Variants in PON3 observed in about 807,000 individuals in gnomAD.
PON3 encodes serum paraoxonase/lactonase 3.
In PON3, 37 loss-of-function variants were observed where a neutral mutation model predicts 36.3. The observed-to-expected ratio is 1.02, with a 90% CI of 0.78 to 1.34. The LOEUF is 1.34. Among genes scored for constraint, PON3 ranks in the 40% most tolerant of loss-of-function variants. The pLI, the probability that PON3 is intolerant of heterozygous loss-of-function variation, is 0.00. For missense variants in PON3, 415 were observed against 426.5 expected (o/e 0.97, Z 0.24); for synonymous variants, 155 against 154.8 (o/e 1.00, Z -0.01).
At chr7:95,363,724 T>A in intron 6 of PON3, 139 bp downstream of exon 6, 1 of 850,816 alleles carries the variant, frequency 1.2e-6, no homozygotes, top group Non-Finnish European at 2.0e-6. Flanking sequence ...ACAGATTTAG[T>A]GTGAACCCTG....
rs1809431277 is a variant in PON3, at chr7:95,396,272, C to T, written c.74+5G>A. ...TCGAAGACGCCCTGTCAAGATGCCA[C>T]TCACCTAAACGCCAGGAACATCTCC... On this transcript the variant is annotated splice_donor_5th_base_variant and intron_variant, in intron 1 of 8. Transcript: ENST00000265627. 2 of 1,613,900 alleles carry T rather than the reference C, an allele frequency of 1.2e-6. No individual in the cohort carries two copies. The highest frequency in any genetic ancestry group is 1.7e-6 in the Non-Finnish European group (2 of 1,179,962).
At chr7:95,395,915 C>A (rs989983400) in intron 1 of PON3, 1 of 347,568 alleles carries the variant, frequency 2.9e-6, no homozygotes, top group Non-Finnish European at 5.6e-6. Flanking sequence ...GATCCTCTCT[C>A]CCAAGTCCGG....
chr7:95,363,996 A>G lies in PON3; in HGVS notation c.562T>C (p.Ser188Pro). The G allele has an allele frequency of 6.2e-7, 1 of 1,613,880 alleles. No individual in the cohort carries two copies. The highest frequency in any genetic ancestry group is 8.5e-7 in the Non-Finnish European group (1 of 1,179,792). ...ATCATCTCAAAAAATGACAGGAGGG[A>G]GTTGGTAAAATAGTGGTCTCTGGTG... is the stretch of plus-strand genomic sequence containing the variant. The part of the protein sequence containing the change: ...YATRDHYFTN[S>P]LLSFFEMILD... Residue 188 changes from serine to proline, a missense_variant, in exon 6 of 9, where the codon TCC becomes CCC. Physicochemically the swap from Ser to Pro is moderately conservative, Grantham distance 74. Transcript: ENST00000265627.
intron 5 of PON3, among the ~76,000 whole-genome samples, chr7:95,366,938 A>G (rs1562770209): frequency 6.6e-6 from 1 of 152,266 alleles, no homozygotes. Flanking sequence ...TCTACTTTAA[A>G]GCTGTAATTA....
intron 3 of PON3, 137 bp from the exon 4 acceptor site, chr7:95,372,475 G>T: frequency 1.1e-6 from 1 of 952,278 alleles, no homozygotes; most frequent in Non-Finnish European, 1.6e-6. Flanking sequence ...TTTTCACTCT[G>T]TCAGCTGTTT....
At chr7:95,364,158 T>C in intron 5 of PON3, 95 bp from the exon 6 acceptor site, 2 of 976,100 alleles carry the variant, frequency 2.0e-6, no homozygotes, top group South Asian at 2.6e-5. Flanking sequence ...GACTAATACG[T>C]TCATCAATTT....
intron 3 of PON3, among the ~76,000 whole-genome samples, chr7:95,374,222 T>G (rs906344505): frequency 6.6e-6 from 1 of 152,206 alleles, no homozygotes; most frequent in African/African-American, 2.4e-5. Flanking sequence ...CTTTACTTAC[T>G]ACTTCTCTGA....
chr7:95,395,302 G>A (rs1484229026), intron 1 of PON3, among the ~76,000 whole-genome samples: 2 of 152,036 alleles, frequency 1.3e-5, no homozygotes, highest in Admixed American at 6.6e-5. Flanking sequence ...GAGTGAAAAG[G>A]AATGTTTCCA....
chr7:95,380,180 T>C lies in PON3; in HGVS notation c.202-7842A>G, dbSNP rs532799902. ...GGAAAACTAACAAACAGAAAGGACA[T>C]CCACACCAAAACCCCATCTGTACGT... On this transcript the variant is annotated intron_variant, in intron 3 of 8. Coordinates refer to ENST00000265627, the MANE Select transcript of PON3 (RefSeq NM_000940.3). 7.9e-5 allele frequency among the ~76,000 whole-genome samples: 12 copies of C among 152,056 alleles called. 1 individual carries two copies. The highest frequency in any genetic ancestry group is 2.7e-4 in the African/African-American group (11 of 41,470).
Position 95,359,901 on chromosome 7 carries a change from C to T in PON3, c.*72G>A. On this transcript the variant is annotated 3_prime_UTR_variant, in exon 9 of 9. Transcript: ENST00000265627. Reference sequence around the variant, plus strand: ...TGTTTGCTATTTACTTACAGTGCCACTTATCATACAATTATCAGTTTACTT... The same window carrying T: ...TGTTTGCTATTTACTTACAGTGCCATTTATCATACAATTATCAGTTTACTT... 6.7e-7 allele frequency: 1 copy of T among 1,486,136 alleles called. No individual in the cohort carries two copies. Among genetic ancestry groups the T allele is most frequent in the Non-Finnish European group, 9.2e-7 (1 of 1,088,132 alleles). 92.1% of individuals were successfully genotyped at this position (1,486,136 alleles called of 1,614,324 possible). A position where few individuals can be genotyped will look rare whatever the true frequency, so the allele number is the denominator to read the frequency against.
chr7:95,382,891 C>G (rs950894329), intron 3 of PON3, among the ~76,000 whole-genome samples: 2 of 152,054 alleles, frequency 1.3e-5, no homozygotes, highest in African/African-American at 2.4e-5. Context: ...CTGGCAGAGA[C>G]ACAACAAAAA....
At chr7:95,395,980 A>G in intron 1 of PON3, 2 of 422,556 alleles carry the variant, frequency 4.7e-6, no homozygotes, top group Non-Finnish European at 8.9e-6. Context: ...CGAGCTGGGA[A>G]AGGGGTCATC....
At position 95,372,171 on chromosome 7, in the gene PON3, A is replaced by C; in HGVS notation, c.367+2T>G. ...CCTTATCCCTAAACATACAGGTTTT[A>C]CCTTTGTCGATGAAAATACTGATCC... On this transcript the variant is annotated splice_donor_variant, in intron 4 of 8. Coordinates refer to ENST00000265627, the MANE Select transcript of PON3 (RefSeq NM_000940.3). LOFTEE classifies it high-confidence loss of function. 1.2e-6 allele frequency: 2 copies of C among 1,612,798 alleles called. No homozygotes were observed. Among genetic ancestry groups the C allele is most frequent in the Non-Finnish European group, 1.7e-6 (2 of 1,178,884 alleles).
chr7:95,360,364 T>A (rs889695308), intron 8 of PON3, among the ~76,000 whole-genome samples: 2 of 152,156 alleles, frequency 1.3e-5, no homozygotes, highest in Non-Finnish European at 2.9e-5. Flanking sequence ...ACTTACACAA[T>A]TTTTTTAGTG....
intron 4 of PON3, among the ~76,000 whole-genome samples, chr7:95,368,416 C>A (rs547953187): frequency 7.2e-5 from 11 of 152,220 alleles, no homozygotes; most frequent in Non-Finnish European, 1.5e-4. Flanking sequence ...CAGAGGAAAT[C>A]TTCCTTCTGG....
chr7:95,380,642 AG>A (rs1809029546), intron 3 of PON3, among the ~76,000 whole-genome samples: 1 of 152,238 alleles, frequency 6.6e-6, no homozygotes, highest in Non-Finnish European at 1.5e-5. Flanking sequence ...CAACAAGAGA[AG>A]TTTAGAGCAA....
At position 95,382,330 on chromosome 7, in the gene PON3, G is replaced by C. The variant is rs146541910; in HGVS notation, c.201+7824C>G. On this transcript the variant is annotated intron_variant, in intron 3 of 8. Coordinates refer to ENST00000265627, the MANE Select transcript of PON3 (RefSeq NM_000940.3). ...GAGCAAACACATTCAAAAGCTAGCA[G>C]AAGACAAGAAATAACTAAGATCAGA... Among the ~76,000 whole-genome samples the C allele has an allele frequency of 5.9e-3, 904 of 152,254 alleles. 12 individuals carry two copies. Among genetic ancestry groups the C allele is most frequent in the African/African-American group, 0.021 (854 of 41,540 alleles).
At chr7:95,366,271 A>T (rs17882656) in intron 5 of PON3, among the ~76,000 whole-genome samples, 4,248 of 152,254 alleles carry the variant, frequency 0.028, 115 homozygotes, top group African/African-American at 0.068. Flanking sequence ...AATCCCCATT[A>T]TGCTCAAGAA....
intron 8 of PON3, 118 bp downstream of exon 8, chr7:95,362,244 C>G: frequency 7.4e-7 from 1 of 1,351,894 alleles, no homozygotes; most frequent in South Asian, 1.2e-5. Context: ...TTTTCTCATA[C>G]GTAAAATTTC....
Sources: gnomAD v4.1 joint callset for allele counts (sites outside exome capture counted in the v4.1 genomes callset) on GRCh38, gnomAD v4.1.1 for gene constraint, MANE v1.5 for transcripts, NCBI Gene and HGNC (gene_info 2026-07-23, HGNC 2026-07-21) for gene names.